KDM2A: variants seen among roughly 807,000 people sequenced by gnomAD.
KDM2A encodes lysine demethylase 2A.
In KDM2A, 3 loss-of-function variants were observed where a neutral mutation model predicts 137.3. The ratio of observed to expected loss-of-function variants is 0.02; its 90% CI spans 0.01 to 0.06. The LOEUF is 0.06. Among genes scored for constraint, KDM2A ranks in the 10% least tolerant of loss-of-function variants. KDM2A has a pLI of 1.00. For synonymous variants in KDM2A, 512 were observed against 541.5 expected, an observed-to-expected ratio of 0.95 and a Z score of 0.76; for missense variants, 738 against 1,510.6, an observed-to-expected ratio of 0.49 and a Z score of 8.48.
chr11:67,193,451 C>T (rs1857404318), intron 5 of KDM2A, among the ~76,000 whole-genome samples: 1 of 152,174 alleles, frequency 6.6e-6, no homozygotes, highest in South Asian at 2.1e-4. Context: ...ATTCTGTTAT[C>T]ACTTTCTCAT....
At chr11:67,168,587 A>G (rs1856803822) in intron 2 of KDM2A, among the ~76,000 whole-genome samples, 1 of 9,130 alleles carries the variant, frequency 1.1e-4, no homozygotes, top group Admixed American at 1.3e-3. Flanking sequence ...AATTATACAC[A>G]CACACACACA....
At position 67,250,077 on chromosome 11, in the gene KDM2A, G is replaced by T; in HGVS notation, c.2056-9G>T. 1.3e-6 allele frequency: 2 copies of T among 1,571,928 alleles called. No individual in the cohort carries two copies. Among genetic ancestry groups the T allele is most frequent in the Non-Finnish European group, 1.7e-6 (2 of 1,158,716 alleles). On this transcript the variant is annotated splice_polypyrimidine_tract_variant and intron_variant, in intron 16 of 20. Transcript: ENST00000529006. The surrounding 1 kb of genome is among the most constrained non-coding windows in gnomAD (Gnocchi z 7.1). ...GCACTGATGTTGCTTTTCTGGGCCT[G>T]TTTTGCAGAAGCGGAAAATGGAAGA... is the stretch of plus-strand genomic sequence containing the variant.
intron 5 of KDM2A, among the ~76,000 whole-genome samples, chr11:67,191,564 C>T (rs1416817119): frequency 1.3e-5 from 2 of 152,130 alleles, no homozygotes; most frequent in African/African-American, 4.8e-5. Context: ...ATATAAATTT[C>T]ATTAACAGTG....
chr11:67,239,023 C>T (rs901840476), intron 12 of KDM2A, among the ~76,000 whole-genome samples: 7 of 152,122 alleles, frequency 4.6e-5, no homozygotes, highest in African/African-American at 1.7e-4. Flanking sequence ...GAGGTGTGAG[C>T]AATACTTGTC....
At chr11:67,217,240 CAA>C (rs544615414) in intron 8 of KDM2A, among the ~76,000 whole-genome samples, 14 of 50,512 alleles carry the variant, frequency 2.8e-4, no homozygotes, top group Admixed American at 8.1e-4. Flanking sequence ...GAAACTCTGT[CAA>C]AAAAAAAAAA....
intron 11 of KDM2A, among the ~76,000 whole-genome samples, chr11:67,228,505 A>C (rs1480443821): frequency 6.6e-6 from 1 of 152,010 alleles, no homozygotes; most frequent in African/African-American, 2.4e-5. Flanking sequence ...AGCCTGGGAA[A>C]CATGGCAAAA....
intron 2 of KDM2A, among the ~76,000 whole-genome samples, chr11:67,151,504 A>G (rs969246334): frequency 1.3e-5 from 2 of 151,804 alleles, no homozygotes; most frequent in Non-Finnish European, 1.5e-5. Context: ...GTCTGCCATA[A>G]TGCCTGGCTA....
At chr11:67,202,775 CA>C (rs891639478) in intron 5 of KDM2A, among the ~76,000 whole-genome samples, 97 of 128,506 alleles carry the variant, frequency 7.5e-4, no homozygotes, top group Middle Eastern at 4.2e-3. Context: ...GACTTCGTCT[CA>C]AAAAAAAAAA....
intron 12 of KDM2A, chr11:67,240,061 C>T: frequency 7.6e-7 from 1 of 1,319,386 alleles, no homozygotes; most frequent in Non-Finnish European, 9.7e-7. Context: ...CAAAGCATTT[C>T]TGGGAGCTGC....
intron 2 of KDM2A, among the ~76,000 whole-genome samples, chr11:67,164,350 A>G (rs1436263944): frequency 1.3e-5 from 2 of 152,172 alleles, no homozygotes; most frequent in Non-Finnish European, 2.9e-5. Flanking sequence ...TGATTTCTTA[A>G]TGTTTTAGAT....
intron 2 of KDM2A, among the ~76,000 whole-genome samples, chr11:67,126,945 G>A (rs1855745036): frequency 6.6e-6 from 1 of 152,028 alleles, no homozygotes; most frequent in South Asian, 2.1e-4. Flanking sequence ...TTTAGGTAAT[G>A]AAAATATTAG....
rs1340671465 is a variant in KDM2A at position 67,250,963 on chromosome 11, G to A, written c.2768+165G>A. Among the ~76,000 whole-genome samples, 1 of 152,194 alleles carries A rather than the reference G, an allele frequency of 6.6e-6. No individual in the cohort carries two copies. The highest frequency in any genetic ancestry group is 6.5e-5 in the Admixed American group (1 of 15,278). ...TGGGTCCTGTTTAAAGATGTAGCCT[G>A]TTGTACCCGCAGATGTCATTAGGGA... is the stretch of plus-strand genomic sequence containing the variant. On this transcript the variant is annotated intron_variant, in intron 17 of 20. Transcript: ENST00000529006. The surrounding 1 kb of genome is among the most constrained non-coding windows in gnomAD (Gnocchi z 7.1).
chr11:67,170,058 C>G (rs908540667), intron 2 of KDM2A, among the ~76,000 whole-genome samples: 14 of 152,028 alleles, frequency 9.2e-5, no homozygotes, highest in African/African-American at 3.1e-4. Flanking sequence ...GCCTGGCCCA[C>G]AGTTTCATCT....
At chr11:67,124,948 C>T (rs2136277587) in intron 2 of KDM2A, among the ~76,000 whole-genome samples, 1 of 151,118 alleles carries the variant, frequency 6.6e-6, no homozygotes, top group East Asian at 2.0e-4. Context: ...AGCTCTACCT[C>T]CCGGGTTCAC....
intron 7 of KDM2A, 27 bp downstream of exon 7, chr11:67,215,473 C>T (rs772613420): frequency 6.8e-6 from 10 of 1,479,728 alleles, no homozygotes; most frequent in South Asian, 3.4e-5. Flanking sequence ...GCATCTTCCT[C>T]CGTGTGCTGT....
At chr11:67,177,215 G>A (rs1338732187) in intron 2 of KDM2A, among the ~76,000 whole-genome samples, 2 of 152,044 alleles carry the variant, frequency 1.3e-5, no homozygotes, top group African/African-American at 2.4e-5. Context: ...GCAGAGAGCC[G>A]AGATCACTCC....
intron 2 of KDM2A, among the ~76,000 whole-genome samples, chr11:67,132,544 C>T (rs1855877975): frequency 6.6e-6 from 1 of 152,182 alleles, no homozygotes; most frequent in African/African-American, 2.4e-5. Flanking sequence ...GCCTCGGCCT[C>T]CCAAAGTACT....
At chr11:67,131,312 G>A (rs1343111961) in intron 2 of KDM2A, among the ~76,000 whole-genome samples, 4 of 151,578 alleles carry the variant, frequency 2.6e-5, no homozygotes, top group African/African-American at 4.8e-5. Context: ...TGACAAGAGC[G>A]AAACTCCGTC....
intron 5 of KDM2A, among the ~76,000 whole-genome samples, chr11:67,193,269 C>T (rs1371563075): frequency 2.0e-5 from 3 of 152,146 alleles, no homozygotes; most frequent in African/African-American, 2.4e-5. Flanking sequence ...GGATTACAGG[C>T]GTGAGCCACC....
Sources: allele counts gnomAD v4.1 joint callset (sites outside exome capture counted in the v4.1 genomes callset), GRCh38; gene constraint gnomAD v4.1.1; non-coding constraint Gnocchi (gnomAD v3.1); transcripts MANE v1.5; gene names NCBI Gene and HGNC (gene_info 2026-07-23, HGNC 2026-07-21).